The following MBD5 variants were observed in gnomAD, a reference collection of about 807,000 sequenced individuals.
The protein encoded by MBD5 is methyl-CpG-binding domain protein 5.
MBD5 carries 13 observed loss-of-function variants against 117.3 expected under a neutral mutation model. The ratio of observed to expected loss-of-function variants is 0.11; its 90% confidence interval spans 0.07 to 0.18. The LOEUF (loss-of-function observed/expected upper bound fraction) is 0.18, where lower values mean the gene tolerates loss of function less well. MBD5 is among the 10% of genes least tolerant of loss of function. MBD5 has a pLI of 1.00. For missense variants in MBD5, 1,879 were observed against 2,093.8 expected, an observed-to-expected ratio of 0.90 and a Z score of 2.00; for synonymous variants, 727 against 766.4, an observed-to-expected ratio of 0.95 and a Z score of 0.85.
intron 8 of MBD5, chr2:148,470,886 A>T (rs1680773878): frequency 5.8e-6 from 1 of 173,060 alleles, no homozygotes; most frequent in South Asian, 1.9e-4. Context: ...CAAAAAGGCA[A>T]AAATAAATGG....
intron 1 of MBD5, among the ~76,000 whole-genome samples, chr2:148,097,197 A>G (rs927705323): frequency 2.0e-5 from 3 of 152,214 alleles, no homozygotes; most frequent in Non-Finnish European, 2.9e-5. Context: ...CTAAGATGAA[A>G]AGTTATAGAA....
chr2:148,366,717 C>G (rs1703710939), intron 4 of MBD5, among the ~76,000 whole-genome samples: 1 of 152,102 alleles, frequency 6.6e-6, no homozygotes, highest in African/African-American at 2.4e-5. Context: ...TGAGTGAACT[C>G]CCATTTACAA....
At chr2:148,042,729 C>A (rs1694398849) in intron 1 of MBD5, among the ~76,000 whole-genome samples, 1 of 152,038 alleles carries the variant, frequency 6.6e-6, no homozygotes, top group Non-Finnish European at 1.5e-5. Context: ...TTAATAGTTT[C>A]CTTACTCACA....
At chr2:148,502,099 G>A (rs1291697389) in intron 11 of MBD5, among the ~76,000 whole-genome samples, 1 of 152,208 alleles carries the variant, frequency 6.6e-6, no homozygotes. Flanking sequence ...TGATACTACA[G>A]ATTTGCAGTT....
At chr2:148,040,531 T>C (rs1434014333) in intron 1 of MBD5, among the ~76,000 whole-genome samples, 3 of 152,218 alleles carry the variant, frequency 2.0e-5, no homozygotes, top group African/African-American at 7.2e-5. Flanking sequence ...TATGGGTATT[T>C]ATATCATTAA....
chr2:148,502,261 A>T (rs1264072299), intron 11 of MBD5, 175 bp from the exon 12 acceptor site: 2 of 652,138 alleles, frequency 3.1e-6, no homozygotes, highest in African/African-American at 3.6e-5. Flanking sequence ...TGCAGCCTGG[A>T]GCCACAGAAT....
At chr2:148,310,136 G>A (rs773877080) in intron 3 of MBD5, among the ~76,000 whole-genome samples, 3 of 152,172 alleles carry the variant, frequency 2.0e-5, no homozygotes, top group Non-Finnish European at 2.9e-5. Flanking sequence ...CCAGGTTTTT[G>A]TATCAGAGTG....
intron 2 of MBD5, among the ~76,000 whole-genome samples, chr2:148,216,315 A>G (rs1198062957): frequency 6.6e-6 from 1 of 152,218 alleles, no homozygotes; most frequent in Non-Finnish European, 1.5e-5. Context: ...ATCTGTTAAC[A>G]GTGAGATCCA....
intron 4 of MBD5, among the ~76,000 whole-genome samples, chr2:148,434,491 C>G (rs1706095942): frequency 6.6e-6 from 1 of 151,292 alleles, no homozygotes; most frequent in African/African-American, 2.4e-5. Context: ...AGTTTTCCCA[C>G]TTTTTGATTA....
intron 8 of MBD5, among the ~76,000 whole-genome samples, chr2:148,479,437 A>C (rs577513864): frequency 6.6e-6 from 1 of 152,180 alleles, no homozygotes; most frequent in Non-Finnish European, 1.5e-5. Context: ...ATGATTTTAC[A>C]ATCTTTTTAA....
chr2:148,043,275 A>T (rs1694418355), intron 1 of MBD5, among the ~76,000 whole-genome samples: 1 of 151,060 alleles, frequency 6.6e-6, no homozygotes, highest in African/African-American at 2.4e-5. Context: ...AATACAAAAA[A>T]AAAATAAAAA....
chr2:148,248,902 G>A (rs948024920), intron 3 of MBD5, among the ~76,000 whole-genome samples: 1 of 151,944 alleles, frequency 6.6e-6, no homozygotes, highest in African/African-American at 2.4e-5. Flanking sequence ...TATAAAATTA[G>A]GATAAGGGTT....
rs1682322575 is a variant in MBD5 at position 148,515,273 on chromosome 2, T to C, written c.*2332T>C. 6.6e-6 allele frequency: 1 copy of C among 152,232 alleles called. No individual in the cohort carries two copies. The highest frequency in any genetic ancestry group is 2.4e-5 in the African/African-American group (1 of 41,464). The allele number at this position is 152,232 out of a possible 1,614,324, so 9.4% of individuals were successfully genotyped here. On this transcript the variant is annotated 3_prime_UTR_variant, in exon 14 of 14. Transcript: ENST00000642680. Reference sequence around the variant, plus strand: ...TGACCAAGCCTTCTTTTTGGTATTTTGAGCTAATTCAGTTTGTGCTTCCCT... The same window carrying C: ...TGACCAAGCCTTCTTTTTGGTATTTCGAGCTAATTCAGTTTGTGCTTCCCT...
chr2:148,317,611 A>C (rs1702184448), intron 3 of MBD5, among the ~76,000 whole-genome samples: 1 of 147,810 alleles, frequency 6.8e-6, no homozygotes, highest in Non-Finnish European at 1.5e-5. Flanking sequence ...ATCCCTTCCC[A>C]CCCTCCCACC....
intron 4 of MBD5, among the ~76,000 whole-genome samples, chr2:148,440,212 A>T (rs1706277687): frequency 6.6e-6 from 1 of 152,230 alleles, no homozygotes; most frequent in Non-Finnish European, 1.5e-5. Context: ...TTTACAAATT[A>T]AGAAATTAAA....
chr2:148,346,805 A>G (rs1703134201), intron 4 of MBD5: 1 of 151,844 alleles, frequency 6.6e-6, no homozygotes, highest in African/African-American at 2.4e-5. Context: ...ATATAATGCT[A>G]TCATTTTTAT....
intron 9 of MBD5, among the ~76,000 whole-genome samples, chr2:148,484,386 A>G (rs957861519): frequency 1.1e-4 from 17 of 152,124 alleles, no homozygotes; most frequent in Non-Finnish European, 1.8e-4. Context: ...TCTAATTCTG[A>G]TGCCACCTAA....
In MBD5 at chr2:148,451,412, A is replaced by G. The variant is rs537115032; in HGVS notation, c.-556-6791A>G. Among the ~76,000 whole-genome samples, 3 of 152,302 alleles carry G rather than the reference A, an allele frequency of 2.0e-5. No individual in the cohort carries two copies. In the East Asian group the frequency reaches 5.8e-4, roughly 29 times the overall value. On this transcript the variant is annotated intron_variant, in intron 4 of 13. Coordinates refer to ENST00000642680, the MANE Select transcript of MBD5 (RefSeq NM_001378120.1). ...AAAGAAAAATGCATGTCTTGAGTAA[A>G]TAGGTCAAAGGTGAAACAGATGGGG... is the stretch of plus-strand genomic sequence containing the variant.
At chr2:148,163,519 G>A (rs969321852) in intron 1 of MBD5, among the ~76,000 whole-genome samples, 18 of 152,094 alleles carry the variant, frequency 1.2e-4, no homozygotes, top group South Asian at 8.3e-4. Flanking sequence ...AGGTTCAAGC[G>A]ACAATCCTAC....
Sources: allele counts gnomAD v4.1 joint callset (sites outside exome capture counted in the v4.1 genomes callset), GRCh38; gene constraint gnomAD v4.1.1; transcripts MANE v1.5; gene names NCBI Gene and HGNC (gene_info 2026-07-23, HGNC 2026-07-21).